The following CYRIB variants were observed in gnomAD, a reference collection of about 807,000 sequenced individuals.
CYRIB encodes the protein CYFIP related Rac1 interactor B, also known as CYFIP-related Rac1 interactor B.
Under a neutral mutation model 44.2 loss-of-function variants are expected in CYRIB, and 8 were observed. The ratio of observed to expected loss-of-function variants is 0.18; its 90% CI spans 0.11 to 0.33. The LOEUF is 0.33. CYRIB is among the 10% of genes least tolerant of loss of function. The pLI, the probability that CYRIB is intolerant of heterozygous loss-of-function variation, is 1.00. For synonymous variants in CYRIB, 131 were observed against 127.2 expected (o/e 1.03, Z -0.20); for missense variants, 185 against 382.8 (o/e 0.48, Z 4.31).
Position 129,903,214 on chromosome 8 carries a change from C to CATTT in CYRIB, c.-11+94_-11+97dup, listed in dbSNP as rs529575878. 826 of 152,656 alleles carry CATTT rather than the reference C, an allele frequency of 5.4e-3. 12 individuals carry two copies. Among genetic ancestry groups the CATTT allele is most frequent in the African/African-American group, 0.019 (785 of 41,534 alleles). The allele number at this position is 152,656 out of a possible 1,614,324, so 9.5% of individuals were successfully genotyped here. A position where few individuals can be genotyped will look rare whatever the true frequency, so the allele number is the denominator to read the frequency against. ...TAGCAACTCAATATTGTGTATAGAA[C>CATTT]ATTTCCCTTAAATTATATATAGTTA... On this transcript the variant is annotated intron_variant, in intron 2 of 11. Transcript: ENST00000519824.
chr8:129,936,448 C>G lies in CYRIB; in HGVS notation c.-50+3160G>C, dbSNP rs1590418558. On this transcript the variant is annotated intron_variant, in intron 1 of 11. Coordinates refer to ENST00000519824, the Ensembl canonical transcript of CYRIB. ...TTCAATACTACAGCGTAATTAAGAG[C>G]CAGGATTTAGTGAACTGATCATAAT... Among the ~76,000 whole-genome samples, 6 of 152,072 alleles carry G rather than the reference C, an allele frequency of 3.9e-5. No individual in the cohort carries two copies. In the South Asian group the frequency reaches 1.2e-3, roughly 32 times the overall value.
At position 129,860,664 on chromosome 8, in the gene CYRIB, T is replaced by C. The variant is rs914569555; in HGVS notation, c.301+1565A>G. 5.3e-5 allele frequency among the ~76,000 whole-genome samples: 8 copies of C among 152,258 alleles called. No individual in the cohort carries two copies. In the South Asian group the frequency reaches 1.7e-3, roughly 32 times the overall value. On this transcript the variant is annotated intron_variant, in intron 5 of 11. Transcript: ENST00000519824. The stretch of plus-strand genomic sequence containing the variant: ...TAAGAACATAGGCATTTTTAAAAAA[T>C]GGAACTTCAACTTCAGAAGTTACAA...
intron 3 of CYRIB, among the ~76,000 whole-genome samples, 197 bp downstream of exon 5, chr8:129,879,190 CAA>C (rs997175590): frequency 2.6e-5 from 4 of 152,110 alleles, no homozygotes; most frequent in Admixed American, 1.3e-4. Context: ...TATAAAAACT[CAA>C]AGACATTTTA....
rs550153043 is a variant in CYRIB, at chr8:129,967,875, G to A, written c.-243+3068C>T. 1.5e-3 allele frequency among the ~76,000 whole-genome samples: 225 copies of A among 152,222 alleles called. 2 individuals carry two copies. Among genetic ancestry groups the A allele is most frequent in the African/African-American group, 5.1e-3 (213 of 41,544 alleles). ...GTCTTCTAATACTGCCTCTCCCTTA[G>A]TCCCTCTATGTAGATGTAAGTAGTG... On this transcript the variant is annotated intron_variant, in intron 2 of 14. Transcript: ENST00000401979.
At chr8:129,865,493 G>T (rs2052996927) in intron 4 of CYRIB, among the ~76,000 whole-genome samples, 1 of 152,196 alleles carries the variant, frequency 6.6e-6, no homozygotes, top group South Asian at 2.1e-4. Context: ...GACTCAAATA[G>T]AATCCACATT....
chr8:129,899,029 A>G (rs1489900648), intron 2 of CYRIB, among the ~76,000 whole-genome samples: 1 of 151,950 alleles, frequency 6.6e-6, no homozygotes, highest in Admixed American at 6.6e-5. Context: ...AGGCCCGGCT[A>G]ATTTTTGTAT....
intron 1 of CYRIB, among the ~76,000 whole-genome samples, chr8:129,977,936 T>A (rs1023615411): frequency 2.0e-5 from 3 of 152,116 alleles, no homozygotes; most frequent in Non-Finnish European, 4.4e-5. Context: ...TTTAATAGAA[T>A]CTTGCTCTGT....
intron 1 of CYRIB, among the ~76,000 whole-genome samples, chr8:129,986,442 C>T (rs1441169543): frequency 6.6e-6 from 1 of 152,132 alleles, no homozygotes; most frequent in African/African-American, 2.4e-5. Context: ...AAACTTAATC[C>T]CCAATGTGGC....
At chr8:129,916,140 A>T (rs2080651435) in intron 1 of CYRIB, among the ~76,000 whole-genome samples, 1 of 152,160 alleles carries the variant, frequency 6.6e-6, no homozygotes, top group Non-Finnish European at 1.5e-5. Flanking sequence ...CTTCTATTCT[A>T]CTTTCTTCTG....
rs1040229904 is a variant in CYRIB, at chr8:130,011,572, C to T, written c.-296+4798G>A. Among the ~76,000 whole-genome samples the T allele has an allele frequency of 1.1e-4, 16 of 151,954 alleles. No individual in the cohort carries two copies. The South Asian group carries it at 3.1e-3, about 30-fold the overall frequency. ...GTGGCTCACGCCTGTAATCCCAGCACGTTGGGAGGCCGAGGCGGGCGGATC... is the reference window on the plus strand; with the variant it reads ...GTGGCTCACGCCTGTAATCCCAGCATGTTGGGAGGCCGAGGCGGGCGGATC... On this transcript the variant is annotated intron_variant, in intron 1 of 14. Transcript: ENST00000401979.
chr8:129,840,905 T>C (rs1312461207), exon 12 of CYRIB: 2 of 152,244 alleles, frequency 1.3e-5, no homozygotes, highest in African/African-American at 2.4e-5. Flanking sequence ...TTCTCTTCCA[T>C]GGTTAAACAT....
chr8:129,870,146 T>C lies in CYRIB; in HGVS notation c.195+1229A>G, dbSNP rs148504687. Among the ~76,000 whole-genome samples the C allele has an allele frequency of 4.6e-4, 70 of 152,292 alleles. No individual in the cohort carries two copies. In the South Asian group the frequency reaches 0.01, roughly 22 times the overall value. On this transcript the variant is annotated intron_variant, in intron 4 of 11. Transcript: ENST00000519824. The stretch of plus-strand genomic sequence containing the variant: ...AACAAGGGCCAGGCATGGTGGCTCA[T>C]GCCTGTAATTCCAACACTTTGGGAG...
At chr8:129,857,069 T>C (rs1450592875) in intron 5 of CYRIB, among the ~76,000 whole-genome samples, 1 of 152,224 alleles carries the variant, frequency 6.6e-6, no homozygotes, top group Non-Finnish European at 1.5e-5. Flanking sequence ...ACATTATTTC[T>C]CATCCATGTA....
At chr8:129,842,237 A>G (rs1344907269) in intron 11 of CYRIB, 32 bp from the exon 14 acceptor site, 1 of 1,503,952 alleles carries the variant, frequency 6.6e-7, no homozygotes, top group Non-Finnish European at 9.2e-7. Context: ...GATCAATTTT[A>G]GGAACTTAAA....
intron 2 of CYRIB, among the ~76,000 whole-genome samples, chr8:129,952,710 T>C (rs1173480471): frequency 2.0e-5 from 3 of 151,824 alleles, no homozygotes; most frequent in Admixed American, 6.6e-5. Context: ...TAAGGAAAGA[T>C]AGGAGGGGCC....
chr8:129,998,176 A>G (rs2096825848), intron 1 of CYRIB, among the ~76,000 whole-genome samples: 1 of 151,088 alleles, frequency 6.6e-6, no homozygotes, highest in African/African-American at 2.4e-5. Context: ...TGCCCCTTCC[A>G]GAGCACTGTC....
exon 12 of CYRIB, chr8:129,841,051 C>T (rs1294095968): frequency 6.6e-6 from 1 of 152,096 alleles, no homozygotes; most frequent in Non-Finnish European, 1.5e-5. Context: ...TAAACTGAAA[C>T]CTGTTAGTTT....
intron 1 of CYRIB, among the ~76,000 whole-genome samples, chr8:129,939,326 G>A (rs1356695210): frequency 6.6e-6 from 1 of 151,906 alleles, no homozygotes; most frequent in Non-Finnish European, 1.5e-5. Context: ...GGTGGGAGGG[G>A]GCGGCGAGAG....
chr8:130,013,103 C>A (rs771971269), intron 1 of CYRIB, among the ~76,000 whole-genome samples: 1 of 152,176 alleles, frequency 6.6e-6, no homozygotes, highest in Non-Finnish European at 1.5e-5. Flanking sequence ...GACGCCTATA[C>A]GCTTGCTGAG....
Sources: gnomAD v4.1 joint callset for allele counts (sites outside exome capture counted in the v4.1 genomes callset) on GRCh38, gnomAD v4.1.1 for gene constraint, MANE v1.5 for transcripts, NCBI Gene and HGNC (gene_info 2026-07-23, HGNC 2026-07-21) for gene names.